The following PPP3CA variants were observed in gnomAD, a reference collection of about 807,000 sequenced individuals.
PPP3CA encodes the protein CAM-PRP catalytic subunit.
Under a neutral mutation model 66.5 loss-of-function variants are expected in PPP3CA, and 14 were observed. The observed-to-expected ratio is 0.21, with a 90% CI of 0.14 to 0.33. The LOEUF is 0.33. Among genes scored for constraint, PPP3CA ranks in the 10% least tolerant of loss-of-function variants. The pLI, the probability that PPP3CA is intolerant of heterozygous loss-of-function variation, is 1.00. For synonymous variants in PPP3CA, 232 were observed against 226.2 expected, an observed-to-expected ratio of 1.03 and a Z score of -0.23; for missense variants, 317 against 639.5, an observed-to-expected ratio of 0.50 and a Z score of 5.44.
intron 1 of PPP3CA, among the ~76,000 whole-genome samples, chr4:101,220,521 A>T (rs1054905181): frequency 5.3e-5 from 8 of 151,894 alleles, no homozygotes; most frequent in Non-Finnish European, 8.9e-5. Context: ...GGATTTTAAT[A>T]AAAAGATCTA....
chr4:101,334,831 A>G (rs747285124), intron 1 of PPP3CA, among the ~76,000 whole-genome samples: 3 of 152,206 alleles, frequency 2.0e-5, no homozygotes, highest in Non-Finnish European at 2.9e-5. Context: ...TATACATGAT[A>G]TAACATTCAC....
At chr4:101,207,139 C>T (rs1725155951) in intron 1 of PPP3CA, among the ~76,000 whole-genome samples, 1 of 152,110 alleles carries the variant, frequency 6.6e-6, no homozygotes, top group African/African-American at 2.4e-5. Flanking sequence ...ATTTATGATG[C>T]AAAATTATCC....
In PPP3CA at chr4:101,028,289, T is replaced by C. The variant is rs115884842; in HGVS notation, c.1369+877A>G. Among the ~76,000 whole-genome samples the C allele has an allele frequency of 5.9e-3, 902 of 152,320 alleles. 3 individuals are homozygous for C. The highest frequency in any genetic ancestry group is 9.6e-3 in the Non-Finnish European group (652 of 68,026). Reference sequence around the variant, plus strand: ...AAATTTCCAAAGGATATGGTATGTATAATAAATATTAAAAACTATTTTGAT... The same window carrying C: ...AAATTTCCAAAGGATATGGTATGTACAATAAATATTAAAAACTATTTTGAT... On this transcript the variant is annotated intron_variant, in intron 13 of 13. Coordinates refer to ENST00000394854, the MANE Select transcript of PPP3CA (RefSeq NM_000944.5).
At chr4:101,160,041 A>G (rs1403290737) in intron 2 of PPP3CA, among the ~76,000 whole-genome samples, 1 of 152,038 alleles carries the variant, frequency 6.6e-6, no homozygotes, top group Non-Finnish European at 1.5e-5. Flanking sequence ...TAATCAAGCT[A>G]GGATAAGGTG....
chr4:101,256,561 A>T (rs184779194), intron 1 of PPP3CA, among the ~76,000 whole-genome samples: 2 of 152,152 alleles, frequency 1.3e-5, no homozygotes, highest in East Asian at 3.9e-4. Flanking sequence ...GTACTCACTG[A>T]TACCAAATAA....
Position 101,172,237 on chromosome 4 carries a change from C to G in PPP3CA, c.259+23679G>C, listed in dbSNP as rs1222107800. ...GAAATTCATGCTATATTCCCACAACCTGAGCATAGAACCAGAGAGATTGGT... is the reference window on the plus strand; with the variant it reads ...GAAATTCATGCTATATTCCCACAACGTGAGCATAGAACCAGAGAGATTGGT... On this transcript the variant is annotated intron_variant, in intron 2 of 13. Coordinates refer to ENST00000394854, the MANE Select transcript of PPP3CA (RefSeq NM_000944.5). Among the ~76,000 whole-genome samples, 165 of 152,206 alleles carry G rather than the reference C, an allele frequency of 1.1e-3. 2 individuals are homozygous for G. The highest frequency in any genetic ancestry group is 5.0e-4 in the Non-Finnish European group (34 of 67,996).
At chr4:101,285,156 AC>A (rs1727797788) in intron 1 of PPP3CA, among the ~76,000 whole-genome samples, 3 of 152,184 alleles carry the variant, frequency 2.0e-5, no homozygotes, top group Admixed American at 2.0e-4. Flanking sequence ...TGTAACGTCC[AC>A]ACAGCACCGA....
intron 12 of PPP3CA, among the ~76,000 whole-genome samples, 171 bp from the exon 13 acceptor site, chr4:101,029,366 A>AAAAAAAAAAAAAAAAAAAAC (rs1726828166): frequency 9.6e-6 from 1 of 104,466 alleles, no homozygotes; most frequent in African/African-American, 3.3e-5. Context: ...AAAAAAAAAA[A>AAAAAAAAAAAAAAAAAAAAC]AAAAAAGAAA....
intron 2 of PPP3CA, among the ~76,000 whole-genome samples, chr4:101,190,196 G>A (rs1380930026): frequency 3.9e-5 from 6 of 152,000 alleles, no homozygotes; most frequent in South Asian, 2.1e-4. Context: ...TTAAAGCCAC[G>A]ATAGTATTGA....
chr4:101,078,424 T>A (rs1044742618), intron 8 of PPP3CA, among the ~76,000 whole-genome samples: 1 of 152,194 alleles, frequency 6.6e-6, no homozygotes, highest in Non-Finnish European at 1.5e-5. Context: ...TAATCAAACA[T>A]TCACTATTCT....
At chr4:101,323,801 G>C (rs888090555) in intron 1 of PPP3CA, among the ~76,000 whole-genome samples, 13 of 152,050 alleles carry the variant, frequency 8.5e-5, no homozygotes, top group African/African-American at 3.1e-4. Context: ...TGCTATTACC[G>C]TGTTTTAATG....
chr4:101,299,131 T>C (rs1411839103), intron 1 of PPP3CA, among the ~76,000 whole-genome samples: 2 of 123,878 alleles, frequency 1.6e-5, no homozygotes, highest in African/African-American at 6.3e-5. Flanking sequence ...TTTTTTTTTT[T>C]TGGTACAGAA....
At chr4:101,115,314 G>A (rs1340114993) in intron 2 of PPP3CA, among the ~76,000 whole-genome samples, 1 of 151,898 alleles carries the variant, frequency 6.6e-6, no homozygotes, top group African/African-American at 2.4e-5. Flanking sequence ...CTTGGCAAAG[G>A]AGAGAGGACA....
intron 1 of PPP3CA, among the ~76,000 whole-genome samples, chr4:101,251,776 A>G (rs1317208227): frequency 6.6e-6 from 1 of 152,210 alleles, no homozygotes; most frequent in African/African-American, 2.4e-5. Flanking sequence ...TGAAGTGTAC[A>G]CTGCGTTTAG....
chr4:101,213,485 G>T (rs1038739471), intron 1 of PPP3CA, among the ~76,000 whole-genome samples: 8 of 151,908 alleles, frequency 5.3e-5, no homozygotes, highest in African/African-American at 1.9e-4. Flanking sequence ...CTGATCTAGC[G>T]GTCTTAATTT....
chr4:101,211,315 T>C (rs60785931), intron 1 of PPP3CA, among the ~76,000 whole-genome samples: 5,619 of 152,232 alleles, frequency 0.037, 305 homozygotes, highest in African/African-American at 0.12. Flanking sequence ...TTTCCCTGAA[T>C]CATGCTCTTT....
In PPP3CA at chr4:101,195,283, AG is replaced by A. The variant is rs1424245462; in HGVS notation, c.259+632del. On this transcript the variant is annotated intron_variant, in intron 2 of 13. Transcript: ENST00000394854. ...ACTTCATCTCAAAAAAAAAAAAAAA[AG>A]ATATTTTGTAGGGACAAAATGCTAC... Among the ~76,000 whole-genome samples, 11 of 147,532 alleles carry A rather than the reference AG, an allele frequency of 7.5e-5. No homozygotes were observed. The South Asian group carries it at 2.4e-3, about 32-fold the overall frequency.
intron 2 of PPP3CA, among the ~76,000 whole-genome samples, chr4:101,158,718 C>T (rs1723406681): frequency 3.3e-5 from 5 of 152,240 alleles, no homozygotes; most frequent in African/African-American, 1.2e-4. Context: ...TGTTTGGTAT[C>T]TGGTTATTCA....
chr4:101,260,284 G>A (rs141666812), intron 1 of PPP3CA, among the ~76,000 whole-genome samples: 9 of 152,128 alleles, frequency 5.9e-5, no homozygotes, highest in Non-Finnish European at 1.0e-4. Flanking sequence ...GTGTGTGTCT[G>A]TATACGTGCA....
Sources: allele counts gnomAD v4.1 joint callset (sites outside exome capture counted in the v4.1 genomes callset), GRCh38; gene constraint gnomAD v4.1.1; transcripts MANE v1.5; gene names NCBI Gene and HGNC (gene_info 2026-07-23, HGNC 2026-07-21).